Variants in GALNTL6 observed in about 807,000 individuals in gnomAD.
GALNTL6 encodes the protein polypeptide N-acetylgalactosaminyltransferase-like 6.
Under a neutral mutation model 73.7 loss-of-function variants are expected in GALNTL6, and 46 were observed. The observed-to-expected ratio is 0.62, with a 90% CI of 0.49 to 0.80. GALNTL6 has a LOEUF of 0.80. Among genes scored for constraint, GALNTL6 ranks in the 30% least tolerant of loss-of-function variants. GALNTL6 has a pLI of 0.00. For synonymous variants in GALNTL6, 259 were observed against 263.7 expected, an observed-to-expected ratio of 0.98 and a Z score of 0.17; for missense variants, 604 against 755.0, an observed-to-expected ratio of 0.80 and a Z score of 2.34.
Position 172,956,293 on chromosome 4 carries a change from T to G in GALNTL6, c.1371+4035T>G, listed in dbSNP as rs184698792. Among the ~76,000 whole-genome samples, 246 of 152,180 alleles carry G rather than the reference T, an allele frequency of 1.6e-3. 1 individual carries two copies. The highest frequency in any genetic ancestry group is 6.8e-3 in the Middle Eastern group (2 of 294). On this transcript the variant is annotated intron_variant, in intron 10 of 12. Coordinates refer to ENST00000506823, the MANE Select transcript of GALNTL6 (RefSeq NM_001034845.3). Reference sequence around the variant, plus strand: ...GTTGTTAGAAGAAACATTTGTCATATAGAATTATTGGTGATGGCCTGGATA... The same window carrying G: ...GTTGTTAGAAGAAACATTTGTCATAGAGAATTATTGGTGATGGCCTGGATA...
In GALNTL6 at chr4:172,069,632, C is replaced by G; in HGVS notation, c.139-160024C>G. Among the ~76,000 whole-genome samples, 7 of 21,854 alleles carry G rather than the reference C, an allele frequency of 3.2e-4. 3 individuals are homozygous for G. The highest frequency in any genetic ancestry group is 5.8e-4 in the African/African-American group (3 of 5,206). The allele number at this position is 21,854 out of a possible 152,430, so 14.3% of individuals were successfully genotyped here. A position where few individuals can be genotyped will look rare whatever the true frequency, so the allele number is the denominator to read the frequency against. Reference sequence around the variant, plus strand: ...ATATATATATAACATATATATATATCCTAAATTTCCTCATACATAGTATCT... The same window carrying G: ...ATATATATATAACATATATATATATGCTAAATTTCCTCATACATAGTATCT... On this transcript the variant is annotated intron_variant, in intron 2 of 12. Transcript: ENST00000506823.
At chr4:172,105,324 A>G (rs1732646451) in intron 2 of GALNTL6, among the ~76,000 whole-genome samples, 1 of 152,120 alleles carries the variant, frequency 6.6e-6, no homozygotes, top group Non-Finnish European at 1.5e-5. Flanking sequence ...CACGGAAGAC[A>G]TGAATTAGAA....
chr4:171,897,822 G>A (rs1173056126), intron 2 of GALNTL6, among the ~76,000 whole-genome samples: 1 of 151,244 alleles, frequency 6.6e-6, no homozygotes. Flanking sequence ...CAGCTACTCG[G>A]GAGGCTGAGG....
intron 8 of GALNTL6, among the ~76,000 whole-genome samples, chr4:172,926,155 G>T (rs756379957): frequency 6.6e-6 from 1 of 152,106 alleles, no homozygotes; most frequent in Non-Finnish European, 1.5e-5. Flanking sequence ...GTTGCAGACT[G>T]CCAACTACTC....
intron 7 of GALNTL6, among the ~76,000 whole-genome samples, chr4:172,816,618 G>A (rs35260402): frequency 3.3e-5 from 5 of 152,090 alleles, no homozygotes; most frequent in Non-Finnish European, 7.4e-5. Flanking sequence ...TTCTAAACTA[G>A]GAATCAAGGC....
intron 2 of GALNTL6, among the ~76,000 whole-genome samples, chr4:172,172,603 A>G (rs1020430236): frequency 1.3e-5 from 2 of 152,192 alleles, no homozygotes; most frequent in Non-Finnish European, 2.9e-5. Flanking sequence ...TGCCAAGGAC[A>G]GAGGCTTCAG....
chr4:172,883,282 C>G (rs559628896), intron 8 of GALNTL6, among the ~76,000 whole-genome samples: 7 of 152,252 alleles, frequency 4.6e-5, no homozygotes, highest in African/African-American at 1.2e-4. Flanking sequence ...CTATAATCTC[C>G]CTACTTGTAT....
intron 5 of GALNTL6, among the ~76,000 whole-genome samples, chr4:172,568,916 T>G (rs1383795018): frequency 6.6e-6 from 1 of 152,082 alleles, no homozygotes; most frequent in Admixed American, 6.5e-5. Context: ...TCTTGTGATT[T>G]TTTTTTTTAG....
chr4:172,797,226 C>T (rs553347986), intron 5 of GALNTL6, among the ~76,000 whole-genome samples: 1 of 152,178 alleles, frequency 6.6e-6, no homozygotes, highest in East Asian at 1.9e-4. Flanking sequence ...ATCTGTGCTG[C>T]TGTATGGCAC....
At chr4:172,206,803 C>CTTTT (rs1560969288) in intron 2 of GALNTL6, among the ~76,000 whole-genome samples, 5 of 13,440 alleles carry the variant, frequency 3.7e-4, no homozygotes, top group Non-Finnish European at 4.2e-4. Flanking sequence ...TTTTGTTTTT[C>CTTTT]TGTTTTTTTT....
At position 173,021,573 on chromosome 4, in the gene GALNTL6, C is replaced by T. The variant is rs781402763; in HGVS notation, c.1586C>T (p.Thr529Ile). ...GCGATCTCACACAACAGCCCCGTTA[C>T]ACTCTATGACTGTCATGGCATGAAG... ...FDAISHNSPV[T>I]LYDCHGMKGN... Residue 529 changes from threonine to isoleucine, a missense_variant, in exon 12 of 13, where the codon ACA becomes ATA. Thr to Ile is a moderately conservative substitution (Grantham distance 89, BLOSUM62 -1). This residue lies in a region of GALNTL6 where 261 missense variants were observed against 296.5 expected (regional missense o/e 0.88). Coordinates refer to ENST00000506823, the MANE Select transcript of GALNTL6 (RefSeq NM_001034845.3). 1 of 1,614,178 alleles carries T rather than the reference C, an allele frequency of 6.2e-7. No individual in the cohort carries two copies. Among genetic ancestry groups the T allele is most frequent in the Admixed American group, 1.7e-5 (1 of 60,020 alleles).
chr4:172,326,876 A>G (rs333383), intron 4 of GALNTL6, among the ~76,000 whole-genome samples: 26,573 of 151,856 alleles, frequency 0.17, 2,408 homozygotes, highest in East Asian at 0.36. Flanking sequence ...TAGATAAAAT[A>G]TGAAATTATA....
At chr4:172,720,333 C>G (rs1326903264) in intron 5 of GALNTL6, among the ~76,000 whole-genome samples, 1 of 152,056 alleles carries the variant, frequency 6.6e-6, no homozygotes, top group Non-Finnish European at 1.5e-5. Context: ...AGGCCAGAGT[C>G]CCCTGCTAGA....
chr4:172,352,840 A>G lies in GALNTL6; in HGVS notation c.553+4151A>G, dbSNP rs548038896. Among the ~76,000 whole-genome samples, 522 of 152,106 alleles carry G rather than the reference A, an allele frequency of 3.4e-3. 2 individuals carry two copies. Among genetic ancestry groups the G allele is most frequent in the African/African-American group, 0.012 (485 of 41,514 alleles). On this transcript the variant is annotated intron_variant, in intron 5 of 12. Coordinates refer to ENST00000506823, the MANE Select transcript of GALNTL6 (RefSeq NM_001034845.3). ...TTCAAAGTTCCTGGACAGAAAAGGG[A>G]AGTAGTTGAATATTTGAGTTTCAGA...
intron 3 of GALNTL6, among the ~76,000 whole-genome samples, chr4:172,308,003 C>CTTTTTTATTTTTTTTTTTT (rs1740206769): frequency 2.9e-5 from 1 of 34,588 alleles, no homozygotes; most frequent in African/African-American, 1.0e-4. Flanking sequence ...TGTGTTTTAA[C>CTTTTTTATTTTTTTTTTTT]TTTTTTTTTT....
At position 171,962,627 on chromosome 4, in the gene GALNTL6, C is replaced by T. The variant is rs185967322; in HGVS notation, c.138+147909C>T. Among the ~76,000 whole-genome samples, 599 of 152,162 alleles carry T rather than the reference C, an allele frequency of 3.9e-3. 7 individuals carry two copies. The highest frequency in any genetic ancestry group is 0.032 in the Admixed American group (491 of 15,272). On this transcript the variant is annotated intron_variant, in intron 2 of 12. Coordinates refer to ENST00000506823, the MANE Select transcript of GALNTL6 (RefSeq NM_001034845.3). Reference sequence around the variant, plus strand: ...AATTGCCCACTCCTTTCCTGGAAAACTCATGAATAATCCACCCCTTGTTTA... The same window carrying T: ...AATTGCCCACTCCTTTCCTGGAAAATTCATGAATAATCCACCCCTTGTTTA...
At chr4:172,731,993 T>C (rs747193090) in intron 5 of GALNTL6, among the ~76,000 whole-genome samples, 15 of 152,028 alleles carry the variant, frequency 9.9e-5, no homozygotes, top group Non-Finnish European at 2.2e-4. Flanking sequence ...CTATATTCAG[T>C]GAAAAAAATG....
intron 3 of GALNTL6, among the ~76,000 whole-genome samples, chr4:172,288,572 T>C (rs763767802): frequency 2.0e-5 from 3 of 152,186 alleles, no homozygotes; most frequent in Non-Finnish European, 2.9e-5. Flanking sequence ...TGTAAACACC[T>C]TACCTTAATT....
chr4:172,453,003 A>G (rs1315274709), intron 5 of GALNTL6, among the ~76,000 whole-genome samples: 3 of 152,202 alleles, frequency 2.0e-5, no homozygotes, highest in Non-Finnish European at 4.4e-5. Flanking sequence ...AGGAGCTGAG[A>G]CCAGCCTGGC....
Sources: allele counts gnomAD v4.1 joint callset (sites outside exome capture counted in the v4.1 genomes callset), GRCh38; gene constraint gnomAD v4.1.1; regional missense constraint gnomAD v4.1.1; transcripts MANE v1.5; gene names NCBI Gene and HGNC (gene_info 2026-07-23, HGNC 2026-07-21).